The following CADPS variants were observed in gnomAD, a reference collection of about 807,000 sequenced individuals.
The protein encoded by CADPS is calcium-dependent secretion activator 1.
A neutral mutation model predicts 167.3 loss-of-function variants in CADPS; 57 were observed. That is an observed-to-expected ratio of 0.34 (90% confidence interval 0.28 to 0.42). The LOEUF is 0.42. Among genes scored for constraint, CADPS ranks in the 20% least tolerant of loss-of-function variants. CADPS has a pLI of 1.00. For missense variants in CADPS, 1,414 were observed against 1,738.1 expected (o/e 0.81, Z 3.32); for synonymous variants, 676 against 635.3 (o/e 1.06, Z -0.96).
At chr3:62,734,245 A>T (rs1171647627) in intron 3 of CADPS, among the ~76,000 whole-genome samples, 1 of 152,180 alleles carries the variant, frequency 6.6e-6, no homozygotes, top group Admixed American at 6.5e-5. Flanking sequence ...GCTTTCTGTG[A>T]TGGTGGAAAT....
At chr3:62,609,807 G>A (rs1284723188) in intron 6 of CADPS, among the ~76,000 whole-genome samples, 2 of 152,044 alleles carry the variant, frequency 1.3e-5, no homozygotes, top group African/African-American at 2.4e-5. Context: ...CCAAGTAGAG[G>A]GGCTGGGTAC....
chr3:62,637,933 A>T (rs930786526), intron 6 of CADPS, among the ~76,000 whole-genome samples: 7 of 152,052 alleles, frequency 4.6e-5, no homozygotes, highest in African/African-American at 1.7e-4. Context: ...TCCATAGAAA[A>T]TACTGAATCA....
intron 1 of CADPS, among the ~76,000 whole-genome samples, chr3:62,835,907 A>G (rs1236364146): frequency 1.3e-5 from 2 of 152,190 alleles, no homozygotes; most frequent in East Asian, 3.8e-4. Context: ...ACATTAGATG[A>G]CTTCATCTAA....
At chr3:62,723,304 T>C (rs2076147898) in intron 3 of CADPS, among the ~76,000 whole-genome samples, 1 of 152,164 alleles carries the variant, frequency 6.6e-6, no homozygotes, top group Non-Finnish European at 1.5e-5. Flanking sequence ...TAGATACTGC[T>C]GAACCCGAGT....
intron 6 of CADPS, among the ~76,000 whole-genome samples, chr3:62,620,158 A>G (rs2062949948): frequency 6.6e-6 from 1 of 152,140 alleles, no homozygotes. Flanking sequence ...GAATCACTTA[A>G]TTAGACAGAG....
rs1391025787 is a variant in CADPS, at chr3:62,438,604, A to G, written c.3670-393T>C. 6.0e-6 allele frequency: 1 copy of G among 165,486 alleles called. No individual in the cohort carries two copies. The highest frequency in any genetic ancestry group is 6.3e-5 in the Admixed American group (1 of 15,980). The allele number at this position is 165,486 out of a possible 1,614,324, so 10.3% of individuals were successfully genotyped here. The stretch of plus-strand genomic sequence containing the variant: ...TGTTTTCCACTGTCCTTAATATATT[A>G]TCAGACGGGTGATGGAACTTCCCAT... On this transcript the variant is annotated intron_variant, in intron 27 of 29. Transcript: ENST00000383710. The surrounding 1 kb of genome is among the most constrained non-coding windows in gnomAD (Gnocchi z 4.7).
intron 28 of CADPS, among the ~76,000 whole-genome samples, chr3:62,437,256 C>T: frequency 6.6e-6 from 1 of 152,076 alleles, no homozygotes; most frequent in African/African-American, 2.4e-5. Context: ...CGGTGGAAAC[C>T]CGAGATGAAA....
At chr3:62,836,318 CT>C (rs1189721288) in intron 1 of CADPS, among the ~76,000 whole-genome samples, 1 of 152,144 alleles carries the variant, frequency 6.6e-6, no homozygotes, top group Admixed American at 6.5e-5. Flanking sequence ...CCATTTCTGC[CT>C]TCCTTCTATT....
chr3:62,608,052 G>A (rs549111771), intron 6 of CADPS, among the ~76,000 whole-genome samples: 9,492 of 152,062 alleles, frequency 0.062, 953 homozygotes, highest in African/African-American at 0.22. Context: ...CTCAGTTGTA[G>A]AGAAATAACT....
In CADPS at chr3:62,585,166, T is replaced by C. The variant is rs369820082; in HGVS notation, c.1577+19A>G. The C allele has an allele frequency of 1.8e-5, 29 of 1,611,496 alleles. No individual in the cohort carries two copies. The highest frequency in any genetic ancestry group is 6.7e-5 in the African/African-American group (5 of 74,900). On this transcript the variant is annotated intron_variant, in intron 8 of 29. Coordinates refer to ENST00000383710, the MANE Select transcript of CADPS (RefSeq NM_003716.4). ...ACAGACGTGTGTCCAAAACTGCTAG[T>C]TGGGGAAGAAACACTTACCCAGAAT... is the stretch of plus-strand genomic sequence containing the variant.
intron 7 of CADPS, among the ~76,000 whole-genome samples, chr3:62,591,498 T>C (rs1424898677): frequency 6.6e-6 from 1 of 152,070 alleles, no homozygotes; most frequent in Non-Finnish European, 1.5e-5. Flanking sequence ...ATTTGGTTTA[T>C]ATGAGGGATT....
chr3:62,839,973 A>G (rs1162043759), intron 1 of CADPS, among the ~76,000 whole-genome samples: 1 of 152,116 alleles, frequency 6.6e-6, no homozygotes, highest in Non-Finnish European at 1.5e-5. Context: ...TGTTTAGGGG[A>G]TGGGCAGGGA....
chr3:62,655,999 C>G (rs993879815), intron 4 of CADPS, among the ~76,000 whole-genome samples: 1 of 152,106 alleles, frequency 6.6e-6, no homozygotes, highest in Non-Finnish European at 1.5e-5. Context: ...GAAACGGACT[C>G]GACCCTGAAT....
chr3:62,742,720 G>T (rs2152315070), intron 3 of CADPS, among the ~76,000 whole-genome samples: 1 of 152,286 alleles, frequency 6.6e-6, no homozygotes, highest in Non-Finnish European at 1.5e-5. Flanking sequence ...GCACGGCAAA[G>T]ATTTCATGAT....
intron 1 of CADPS, among the ~76,000 whole-genome samples, chr3:62,861,594 A>T (rs923023026): frequency 6.6e-6 from 1 of 152,224 alleles, no homozygotes; most frequent in Admixed American, 6.5e-5. Flanking sequence ...CAGTGTGAAG[A>T]CATTTATATT....
chr3:62,474,171 A>AAATATTGG lies in CADPS; in HGVS notation c.3477+1_3477+2insCCAATATT. On this transcript the variant is annotated splice_donor_variant, in intron 24 of 29. Transcript: ENST00000383710. LOFTEE classifies it high-confidence loss of function. ...AATCTGTATTTTTTTTTTTTTTTTT[A>AAATATTGG]CCTCTTGGCCCATTTCCATGCTGCA... The AAATATTGG allele has an allele frequency of 2.4e-6, 1 of 412,340 alleles. No homozygotes were observed. The highest frequency in any genetic ancestry group is 3.3e-6 in the Non-Finnish European group (1 of 302,370). 25.5% of individuals were successfully genotyped at this position (412,340 alleles called of 1,614,324 possible).
chr3:62,399,017 C>T lies in CADPS; in HGVS notation c.*389G>A, dbSNP rs1704966382. 1 of 157,516 alleles carries T rather than the reference C, an allele frequency of 6.3e-6. No homozygotes were observed. Among genetic ancestry groups the T allele is most frequent in the Admixed American group, 6.4e-5 (1 of 15,560 alleles). 9.8% of individuals were successfully genotyped at this position (157,516 alleles called of 1,614,324 possible). On this transcript the variant is annotated 3_prime_UTR_variant, in exon 30 of 30. Transcript: ENST00000383710. This position sits in a 1 kb window ranked among gnomAD's most constrained non-coding sequence, Gnocchi z 5.6. ...CGTACTCATTTAATTAACTGGCATC[C>T]ACATACGTGAAACAGAGTGAATGTA...
chr3:62,505,428 T>C (rs2066484769), intron 17 of CADPS, among the ~76,000 whole-genome samples: 1 of 152,138 alleles, frequency 6.6e-6, no homozygotes, highest in Non-Finnish European at 1.5e-5. Flanking sequence ...CTCCAAAATG[T>C]CTCTTATCTC....
chr3:62,803,295 T>C (rs1161800219), intron 1 of CADPS, among the ~76,000 whole-genome samples: 1 of 150,568 alleles, frequency 6.6e-6, no homozygotes, highest in East Asian at 2.0e-4. Context: ...GACATTAAGG[T>C]AGGGGCATTA....
Sources: allele counts gnomAD v4.1 joint callset (sites outside exome capture counted in the v4.1 genomes callset), GRCh38; gene constraint gnomAD v4.1.1; non-coding constraint Gnocchi (gnomAD v3.1); transcripts MANE v1.5; gene names NCBI Gene and HGNC (gene_info 2026-07-23, HGNC 2026-07-21).